Variants in CNTN4 observed in about 807,000 individuals in gnomAD.
The protein encoded by CNTN4 is contactin-4.
CNTN4 carries 77 observed loss-of-function variants against 122.5 expected under a neutral mutation model. That is an observed-to-expected ratio of 0.63 (90% confidence interval 0.52 to 0.76). CNTN4 has a LOEUF of 0.76. CNTN4 is among the 30% of genes least tolerant of loss of function. CNTN4 has a pLI of 0.00. For synonymous variants in CNTN4, 512 were observed against 447.0 expected, an observed-to-expected ratio of 1.15 and a Z score of -1.83; for missense variants, 1,256 against 1,259.1, an observed-to-expected ratio of 1.00 and a Z score of 0.04.
intron 3 of CNTN4, among the ~76,000 whole-genome samples, chr3:2,485,741 G>C (rs1375779548): frequency 1.3e-5 from 2 of 152,144 alleles, no homozygotes; most frequent in Admixed American, 6.5e-5. Flanking sequence ...CTCAAGGTTT[G>C]TAAATGCACC....
intron 2 of CNTN4, among the ~76,000 whole-genome samples, chr3:2,238,534 G>A (rs1030001805): frequency 1.3e-5 from 2 of 151,454 alleles, no homozygotes; most frequent in African/African-American, 4.8e-5. Context: ...TATCTGAATT[G>A]CTAAATACAA....
At chr3:2,388,729 C>A (rs1475735979) in intron 3 of CNTN4, among the ~76,000 whole-genome samples, 2 of 152,130 alleles carry the variant, frequency 1.3e-5, no homozygotes, top group African/African-American at 4.8e-5. Context: ...TCTGCAATCC[C>A]AGCTACTTGG....
intron 4 of CNTN4, among the ~76,000 whole-genome samples, chr3:2,624,362 C>G (rs538430088): frequency 1.3e-5 from 2 of 152,128 alleles, no homozygotes; most frequent in East Asian, 1.9e-4. Context: ...TTTTAGAAAG[C>G]TTGAGAGAGA....
intron 7 of CNTN4, 189 bp from the exon 8 acceptor site, chr3:2,866,563 T>G: frequency 8.2e-7 from 1 of 1,222,544 alleles, no homozygotes; most frequent in Non-Finnish European, 1.1e-6. Flanking sequence ...AAAACCTTAT[T>G]GACTGATAGT....
chr3:2,835,754 TG>T (rs2093211557), intron 7 of CNTN4, among the ~76,000 whole-genome samples: 1 of 152,188 alleles, frequency 6.6e-6, no homozygotes, highest in Non-Finnish European at 1.5e-5. Flanking sequence ...GTACAATTTA[TG>T]AAAAGTATAC....
At chr3:2,914,417 A>G (rs889700404) in intron 12 of CNTN4, among the ~76,000 whole-genome samples, 1 of 152,192 alleles carries the variant, frequency 6.6e-6, no homozygotes, top group African/African-American at 2.4e-5. Context: ...GTAGACTGAG[A>G]AAAGAGTGTA....
At chr3:2,311,578 G>A (rs2042918105) in intron 2 of CNTN4, among the ~76,000 whole-genome samples, 1 of 152,048 alleles carries the variant, frequency 6.6e-6, no homozygotes. Flanking sequence ...ATGCAGCTGT[G>A]CACCTGTGAG....
At chr3:2,883,477 G>T (rs2093935791) in intron 9 of CNTN4, among the ~76,000 whole-genome samples, 1 of 152,214 alleles carries the variant, frequency 6.6e-6, no homozygotes, top group African/African-American at 2.4e-5. Flanking sequence ...ACAAAGGAAA[G>T]GAGAATGGGC....
chr3:2,523,704 C>T (rs1464453826), intron 3 of CNTN4, among the ~76,000 whole-genome samples: 1 of 152,080 alleles, frequency 6.6e-6, no homozygotes, highest in Non-Finnish European at 1.5e-5. Context: ...TGCAGAGTCT[C>T]TCTGAAATGT....
intron 7 of CNTN4, among the ~76,000 whole-genome samples, chr3:2,822,047 G>A (rs1470154923): frequency 6.6e-6 from 1 of 152,220 alleles, no homozygotes; most frequent in Non-Finnish European, 1.5e-5. Flanking sequence ...CGAAGGAGAG[G>A]TGGGAGAGGT....
In CNTN4 at chr3:2,919,657, G is replaced by C. The variant is rs948299403; in HGVS notation, c.1208-5972G>C. The stretch of plus-strand genomic sequence containing the variant: ...ACACTACCTGCATAACCAAGGACTT[G>C]AGTTTGTATAAGAGTTTAAGACACT... On this transcript the variant is annotated intron_variant, in intron 12 of 24. Coordinates refer to ENST00000418658, the MANE Select transcript of CNTN4 (RefSeq NM_175607.3). Among the ~76,000 whole-genome samples the C allele has an allele frequency of 2.2e-4, 34 of 152,142 alleles. 1 individual carries two copies. The highest frequency in any genetic ancestry group is 4.7e-4 in the Non-Finnish European group (32 of 68,014).
At chr3:2,812,762 A>T (rs546297855) in intron 6 of CNTN4, among the ~76,000 whole-genome samples, 1 of 152,294 alleles carries the variant, frequency 6.6e-6, no homozygotes, top group East Asian at 1.9e-4. Flanking sequence ...TACATGCATG[A>T]TCTTAATCTT....
intron 2 of CNTN4, among the ~76,000 whole-genome samples, chr3:2,287,693 G>GGAAGAGGAA (rs2041973252): frequency 4.9e-5 from 4 of 80,924 alleles, no homozygotes; most frequent in Admixed American, 1.4e-4. Context: ...AAGAAGAAGA[G>GGAAGAGGAA]GAAGAAGAAG....
intron 10 of CNTN4, among the ~76,000 whole-genome samples, chr3:2,894,038 G>C (rs1485112206): frequency 6.6e-6 from 1 of 152,076 alleles, no homozygotes; most frequent in African/African-American, 2.4e-5. Flanking sequence ...GTATATGTTA[G>C]AAATAATTAA....
At chr3:2,983,777 A>G (rs185572490) in intron 13 of CNTN4, among the ~76,000 whole-genome samples, 1 of 152,340 alleles carries the variant, frequency 6.6e-6, no homozygotes, top group Admixed American at 6.5e-5. Context: ...TTACTACACT[A>G]TATTGCTGTA....
At chr3:2,231,117 A>G (rs2039468977) in intron 2 of CNTN4, among the ~76,000 whole-genome samples, 1 of 152,224 alleles carries the variant, frequency 6.6e-6, no homozygotes, top group East Asian at 1.9e-4. Context: ...TAGTTAACAC[A>G]ATATGTCAAA....
At chr3:2,773,221 G>A (rs952068810) in intron 6 of CNTN4, among the ~76,000 whole-genome samples, 1 of 152,032 alleles carries the variant, frequency 6.6e-6, no homozygotes, top group Non-Finnish European at 1.5e-5. Context: ...ACAGCTGAAG[G>A]GAGTGTAGAG....
chr3:2,840,934 T>C (rs988541830), intron 7 of CNTN4, among the ~76,000 whole-genome samples: 2 of 152,108 alleles, frequency 1.3e-5, no homozygotes, highest in Non-Finnish European at 2.9e-5. Context: ...GTTAATCTTT[T>C]CTAATTGCTA....
chr3:2,662,439 G>GGAAAAGA (rs1337199449), intron 4 of CNTN4, among the ~76,000 whole-genome samples: 5 of 152,136 alleles, frequency 3.3e-5, no homozygotes, highest in Non-Finnish European at 7.3e-5. Flanking sequence ...CTGCTAAACA[G>GGAAAAGA]GAAAAGAGAA....
Sources: allele counts gnomAD v4.1 joint callset (sites outside exome capture counted in the v4.1 genomes callset), GRCh38; gene constraint gnomAD v4.1.1; transcripts MANE v1.5; gene names NCBI Gene and HGNC (gene_info 2026-07-23, HGNC 2026-07-21).